ALDH18A1: variants seen among roughly 807,000 people sequenced by gnomAD.
ALDH18A1 encodes the protein aldehyde dehydrogenase 18 family member A1, also known as delta-1-pyrroline-5-carboxylate synthase.
ALDH18A1 carries 44 observed loss-of-function variants against 88.8 expected under a neutral mutation model. That is an observed-to-expected ratio of 0.50 (90% CI 0.39 to 0.64). The LOEUF (loss-of-function observed/expected upper bound fraction) is 0.64. Among genes scored for constraint, ALDH18A1 ranks in the 30% least tolerant of loss-of-function variants. ALDH18A1 has a pLI of 0.00. For synonymous variants in ALDH18A1, 331 were observed against 372.1 expected (o/e 0.89, Z 1.27); for missense variants, 782 against 1,009.5 (o/e 0.77, Z 3.05).
At chr10:95,623,249 C>A (rs988918221) in intron 11 of ALDH18A1, among the ~76,000 whole-genome samples, 3 of 152,104 alleles carry the variant, frequency 2.0e-5, no homozygotes, top group Non-Finnish European at 4.4e-5. Context: ...TTCCATGTTG[C>A]AAAAATTATC....
intron 12 of ALDH18A1, 74 bp from the exon 13 acceptor site, chr10:95,616,688 G>A: frequency 6.5e-7 from 1 of 1,538,490 alleles, no homozygotes; most frequent in East Asian, 2.3e-5. Flanking sequence ...GCATTCACAA[G>A]CACTCCTTCT....
Position 95,611,241 on chromosome 10 carries a change from C to T in ALDH18A1, c.2110+15G>A. The T allele has an allele frequency of 6.2e-7, 1 of 1,613,474 alleles. No individual in the cohort carries two copies. Among genetic ancestry groups the T allele is most frequent in the Non-Finnish European group, 8.5e-7 (1 of 1,179,868 alleles). ...AAAGGCAGACACTGTATGCGGGAAGCATCTGGACACTGACCGTCCTCTGTG... is the reference window on the plus strand; with the variant it reads ...AAAGGCAGACACTGTATGCGGGAAGTATCTGGACACTGACCGTCCTCTGTG... On this transcript the variant is annotated intron_variant, in intron 16 of 17. Transcript: ENST00000371224.
intron 13 of ALDH18A1, 128 bp from the exon 14 acceptor site, chr10:95,614,289 T>C: frequency 1.9e-6 from 2 of 1,051,540 alleles, no homozygotes; most frequent in East Asian, 2.4e-5. Flanking sequence ...TGAAAACTTA[T>C]TCTAAAAACA....
At chr10:95,620,996 G>A (rs1481411288) in intron 12 of ALDH18A1, 35 bp downstream of exon 12, 1 of 1,592,212 alleles carries the variant, frequency 6.3e-7, no homozygotes, top group East Asian at 2.2e-5. Flanking sequence ...AGCCCCCAAT[G>A]GCAGGGTATT....
chr10:95,630,515 A>G (rs1566022521), intron 7 of ALDH18A1, among the ~76,000 whole-genome samples: 2 of 152,228 alleles, frequency 1.3e-5, no homozygotes, highest in Non-Finnish European at 2.9e-5. Context: ...GTTCAAGACC[A>G]GCCTGGCCAA....
chr10:95,610,043 T>A (rs1245397530), intron 17 of ALDH18A1, among the ~76,000 whole-genome samples, 154 bp downstream of exon 17: 1 of 152,182 alleles, frequency 6.6e-6, no homozygotes, highest in Admixed American at 6.5e-5. Flanking sequence ...GTGCTGGGAT[T>A]ACAGGCGTGA....
chr10:95,617,515 T>C (rs1210036658), intron 12 of ALDH18A1, among the ~76,000 whole-genome samples: 1 of 152,068 alleles, frequency 6.6e-6, no homozygotes, highest in Non-Finnish European at 1.5e-5. Flanking sequence ...GAGAACAGAG[T>C]CTTTTTCCCA....
intron 13 of ALDH18A1, 25 bp downstream of exon 13, chr10:95,616,452 A>G: frequency 6.4e-7 from 1 of 1,555,794 alleles, no homozygotes; most frequent in Non-Finnish European, 8.7e-7. Context: ...TCTGGGCCTG[A>G]CTTGGTGCAT....
chr10:95,637,902 A>G (rs2097883887), intron 3 of ALDH18A1, among the ~76,000 whole-genome samples: 2 of 152,046 alleles, frequency 1.3e-5, no homozygotes, highest in Admixed American at 6.6e-5. Context: ...TTAAGACTGC[A>G]GTAACCCATG....
At chr10:95,617,284 G>A (rs1047802203) in intron 12 of ALDH18A1, among the ~76,000 whole-genome samples, 5 of 152,216 alleles carry the variant, frequency 3.3e-5, no homozygotes, top group African/African-American at 1.2e-4. Flanking sequence ...GAGTTAAGTG[G>A]CCAGGGCCAC....
chr10:95,633,729 G>A, intron 5 of ALDH18A1, 80 bp from the exon 6 acceptor site: 1 of 1,512,816 alleles, frequency 6.6e-7, no homozygotes, highest in East Asian at 2.4e-5. Context: ...GCTAAGAGCA[G>A]GGGAGTTAAA....
At chr10:95,621,800 A>G in intron 11 of ALDH18A1, among the ~76,000 whole-genome samples, 1 of 152,190 alleles carries the variant, frequency 6.6e-6, no homozygotes, top group Non-Finnish European at 1.5e-5. Context: ...TATCATTTGT[A>G]TGAACAGAAA....
At chr10:95,648,573 T>G (rs752733983) in intron 2 of ALDH18A1, among the ~76,000 whole-genome samples, 13 of 152,182 alleles carry the variant, frequency 8.5e-5, no homozygotes, top group Non-Finnish European at 1.9e-4. Context: ...AAATTTGAGC[T>G]GGCCCCGTAA....
intron 1 of ALDH18A1, among the ~76,000 whole-genome samples, chr10:95,654,174 T>TA (rs2097914476): frequency 1.3e-5 from 2 of 151,888 alleles, no homozygotes; most frequent in Admixed American, 1.3e-4. Flanking sequence ...AGCTTTTTTT[T>TA]TTTTTTTTTA....
chr10:95,637,177 T>A lies in ALDH18A1; in HGVS notation c.474A>T (p.Ala158=). 6.2e-7 allele frequency: 1 copy of A among 1,614,188 alleles called. No individual in the cohort carries two copies. Among genetic ancestry groups the A allele is most frequent in the Admixed American group, 1.7e-5 (1 of 60,022 alleles). ...TCTGTCCGGCAGCTGCACAGGCTCGTGCCTCTAAGACTGGAATTGCCTGTA... is the reference window on the plus strand; with the variant it reads ...TCTGTCCGGCAGCTGCACAGGCTCGAGCCTCTAAGACTGGAATTGCCTGTA... ...LKEMAIPVLE[A]RACAAAGQSG... The change falls in exon 5 of 18, where the codon GCA becomes GCT. Residue 158 remains alanine (A), a synonymous_variant. Coordinates refer to ENST00000371224, the MANE Select transcript of ALDH18A1 (RefSeq NM_002860.4).
At chr10:95,616,996 C>T (rs1170784857) in intron 12 of ALDH18A1, among the ~76,000 whole-genome samples, 1 of 152,150 alleles carries the variant, frequency 6.6e-6, no homozygotes, top group Non-Finnish European at 1.5e-5. Flanking sequence ...CCTGTAATCT[C>T]AGCAATTTGG....
chr10:95,606,867 C>T lies in ALDH18A1; in HGVS notation c.2283G>A (p.Lys761=), dbSNP rs747072972. 1 of 1,614,216 alleles carries T rather than the reference C, an allele frequency of 6.2e-7. No homozygotes were observed. ...CGTGGTCCTTCCCTCGCAGCAGCCA[C>T]TTAGTAGTAAGCAGTCCCTCAAGTC... The part of the protein sequence containing the change: ...PVGLEGLLTT[K]WLLRGKDHVV... The change falls in exon 18 of 18, where the codon AAG becomes AAA. Residue 761 remains lysine, a synonymous_variant. Transcript: ENST00000371224.
At chr10:95,616,679 C>T in intron 12 of ALDH18A1, 65 bp from the exon 13 acceptor site, 2 of 1,553,052 alleles carry the variant, frequency 1.3e-6, no homozygotes, top group South Asian at 1.2e-5. Flanking sequence ...GTGATGTTAG[C>T]ATTCACAAGC....
chr10:95,616,410 G>A, intron 13 of ALDH18A1, 67 bp downstream of exon 13: 2 of 1,545,784 alleles, frequency 1.3e-6, no homozygotes, highest in Non-Finnish European at 1.7e-6. Flanking sequence ...CCTAAGTTTT[G>A]CTTTAAATTC....
Sources: allele counts gnomAD v4.1 joint callset (sites outside exome capture counted in the v4.1 genomes callset), GRCh38; gene constraint gnomAD v4.1.1; transcripts MANE v1.5; gene names NCBI Gene and HGNC (gene_info 2026-07-23, HGNC 2026-07-21).